Variants in MAGI2 observed in about 807,000 individuals in gnomAD.
MAGI2 encodes membrane associated guanylate kinase, WW and PDZ domain containing 2.
MAGI2 carries 35 observed loss-of-function variants against 133.3 expected under a neutral mutation model. That is an observed-to-expected ratio of 0.26 (90% CI 0.20 to 0.35). The LOEUF (loss-of-function observed/expected upper bound fraction) is 0.35. MAGI2 is among the 10% of genes least tolerant of loss of function. The probability of loss-of-function intolerance (pLI) is 1.00; values close to 1 mark genes in which losing one functional copy is unlikely to be tolerated. For synonymous variants in MAGI2, 729 were observed against 710.6 expected (o/e 1.03, Z -0.41); for missense variants, 1,636 against 1,863.4 (o/e 0.88, Z 2.25).
At chr7:78,859,646 G>A (rs1487850306) in intron 2 of MAGI2, among the ~76,000 whole-genome samples, 4 of 151,760 alleles carry the variant, frequency 2.6e-5, no homozygotes, top group South Asian at 2.1e-4. Flanking sequence ...TGGGTAACCC[G>A]ACCTTTCTCT....
At chr7:78,192,273 A>G (rs1828293434) in intron 12 of MAGI2, among the ~76,000 whole-genome samples, 1 of 152,166 alleles carries the variant, frequency 6.6e-6, no homozygotes, top group South Asian at 2.1e-4. Flanking sequence ...CCAAACCTAA[A>G]TGTTATGCAT....
chr7:78,034,653 T>G (rs1003465342), intron 21 of MAGI2, among the ~76,000 whole-genome samples: 7 of 152,058 alleles, frequency 4.6e-5, no homozygotes, highest in Admixed American at 2.6e-4. Flanking sequence ...TCAGCCTCCC[T>G]AGTAGCTGGT....
chr7:78,061,409 T>TACAC (rs59531463), intron 21 of MAGI2, among the ~76,000 whole-genome samples: 3,744 of 139,650 alleles, frequency 0.027, 94 homozygotes, highest in African/African-American at 0.054. Context: ...GGACTGGTTG[T>TACAC]ACACACACAC....
At chr7:78,209,100 T>C (rs1400960874) in intron 10 of MAGI2, among the ~76,000 whole-genome samples, 1 of 126,390 alleles carries the variant, frequency 7.9e-6, no homozygotes, top group African/African-American at 2.7e-5. Context: ...CGGGCGCCTG[T>C]AGTCCCAGCT....
At chr7:78,183,167 G>C (rs576836773) in intron 13 of MAGI2, among the ~76,000 whole-genome samples, 1 of 151,898 alleles carries the variant, frequency 6.6e-6, no homozygotes, top group Non-Finnish European at 1.5e-5. Flanking sequence ...TATGATAAAC[G>C]TATCTGAGTC....
chr7:78,654,711 A>G (rs1392619567), intron 2 of MAGI2, among the ~76,000 whole-genome samples: 1,178 of 7,446 alleles, frequency 0.16, 16 homozygotes, highest in Non-Finnish European at 0.18. Context: ...ATGTATATAT[A>G]TATATATATA....
At chr7:78,643,206 A>C (rs1316809004) in intron 2 of MAGI2, among the ~76,000 whole-genome samples, 1 of 152,188 alleles carries the variant, frequency 6.6e-6, no homozygotes, top group Non-Finnish European at 1.5e-5. Flanking sequence ...AAGTGTTGTC[A>C]AGTTAGAGTA....
At chr7:78,377,550 C>G (rs868348596) in intron 6 of MAGI2, among the ~76,000 whole-genome samples, 1 of 151,208 alleles carries the variant, frequency 6.6e-6, no homozygotes, top group African/African-American at 2.4e-5. Context: ...GGGGGCTGTT[C>G]CTTGGAGACT....
At chr7:79,293,201 C>A (rs1836641969) in intron 1 of MAGI2, among the ~76,000 whole-genome samples, 1 of 152,146 alleles carries the variant, frequency 6.6e-6, no homozygotes, top group Non-Finnish European at 1.5e-5. Context: ...TCTTTGTAAG[C>A]CTGACTCCTT....
intron 2 of MAGI2, among the ~76,000 whole-genome samples, chr7:78,656,989 TAA>T (rs5885084): frequency 9.3e-4 from 97 of 104,054 alleles, no homozygotes; most frequent in East Asian, 5.2e-3. Flanking sequence ...AAACCCAGTA[TAA>T]AAAAAAAAAA....
chr7:79,204,011 G>C (rs961692186), intron 1 of MAGI2, among the ~76,000 whole-genome samples: 1 of 152,050 alleles, frequency 6.6e-6, no homozygotes, highest in Non-Finnish European at 1.5e-5. Flanking sequence ...AAGAGGGTAA[G>C]GATGTCAGTA....
Position 78,017,632 on chromosome 7 carries a change from T to C in MAGI2, c.*1683A>G, listed in dbSNP as rs1807901975. On this transcript the variant is annotated 3_prime_UTR_variant, in exon 22 of 22. Coordinates refer to ENST00000354212, the MANE Select transcript of MAGI2 (RefSeq NM_012301.4). ...GTTTACGATGAATGGGTTTCATTTT[T>C]GGAAATTGCTTTTACAAGCTGCAAG... 1 of 152,674 alleles carries C rather than the reference T, an allele frequency of 6.5e-6. No homozygotes were observed. The highest frequency in any genetic ancestry group is 1.5e-5 in the Non-Finnish European group (1 of 68,040). 9.5% of individuals were successfully genotyped at this position (152,674 alleles called of 1,614,324 possible).
intron 2 of MAGI2, among the ~76,000 whole-genome samples, chr7:78,700,077 T>G (rs768788206): frequency 4.6e-5 from 7 of 152,152 alleles, no homozygotes; most frequent in Non-Finnish European, 1.0e-4. Context: ...TTTCTCATAC[T>G]GAGAAAAAGC....
intron 3 of MAGI2, among the ~76,000 whole-genome samples, chr7:78,570,308 A>G (rs1801375546): frequency 6.6e-6 from 1 of 152,222 alleles, no homozygotes; most frequent in South Asian, 2.1e-4. Context: ...TCTTGTAAAT[A>G]TGATTGAAAC....
At chr7:79,171,772 T>A (rs7802843) in intron 1 of MAGI2, among the ~76,000 whole-genome samples, 5,284 of 20,800 alleles carry the variant, frequency 0.25, 261 homozygotes, top group South Asian at 0.35. Flanking sequence ...ATATATATAT[T>A]TTTTTTTTTT....
intron 12 of MAGI2, among the ~76,000 whole-genome samples, chr7:78,194,336 G>A (rs888040800): frequency 5.9e-5 from 9 of 152,184 alleles, no homozygotes; most frequent in African/African-American, 2.2e-4. Context: ...GTTCAAATGT[G>A]CCTGACTGCA....
chr7:78,599,383 G>A (rs187191421), intron 3 of MAGI2, among the ~76,000 whole-genome samples: 12 of 152,232 alleles, frequency 7.9e-5, no homozygotes, highest in African/African-American at 2.9e-4. Context: ...AATTTAGCAT[G>A]TGACATAAGC....
At chr7:79,271,547 A>T (rs541922899) in intron 1 of MAGI2, among the ~76,000 whole-genome samples, 1 of 152,228 alleles carries the variant, frequency 6.6e-6, no homozygotes, top group Non-Finnish European at 1.5e-5. Context: ...TTGTTTACAT[A>T]ACCTTATAAA....
intron 1 of MAGI2, among the ~76,000 whole-genome samples, chr7:79,203,758 A>G (rs1828810550): frequency 1.3e-5 from 2 of 152,072 alleles, no homozygotes; most frequent in Admixed American, 1.3e-4. Context: ...CAACGCACCA[A>G]TGTAAAATTC....
Sources: allele counts gnomAD v4.1 joint callset (sites outside exome capture counted in the v4.1 genomes callset), GRCh38; gene constraint gnomAD v4.1.1; transcripts MANE v1.5; gene names NCBI Gene and HGNC (gene_info 2026-07-23, HGNC 2026-07-21).